TRAPPC9: variants seen among roughly 807,000 people sequenced by gnomAD.
TRAPPC9 encodes trafficking protein particle complex subunit 9.
Under a neutral mutation model 124.0 loss-of-function variants are expected in TRAPPC9, and 83 were observed. That is an observed-to-expected ratio of 0.67 (90% CI 0.56 to 0.80). The LOEUF (loss-of-function observed/expected upper bound fraction) is 0.80. Among genes scored for constraint, TRAPPC9 ranks in the 30% least tolerant of loss-of-function variants. The pLI, the probability that TRAPPC9 is intolerant of heterozygous loss-of-function variation, is 0.00. For missense variants in TRAPPC9, 1,302 were observed against 1,508.3 expected (o/e 0.86, Z 2.27); for synonymous variants, 638 against 617.5 (o/e 1.03, Z -0.49).
intron 20 of TRAPPC9, among the ~76,000 whole-genome samples, chr8:139,899,546 G>C (rs1263924301): frequency 6.6e-6 from 1 of 152,140 alleles, no homozygotes; most frequent in African/African-American, 2.4e-5. Flanking sequence ...AGAGGTGAAA[G>C]AAAATCTGCA....
At chr8:140,297,370 A>C (rs1047933320) in intron 11 of TRAPPC9, among the ~76,000 whole-genome samples, 2 of 151,994 alleles carry the variant, frequency 1.3e-5, no homozygotes, top group Non-Finnish European at 2.9e-5. Flanking sequence ...ATACACGCAT[A>C]CACACAATAT....
At position 139,977,767 on chromosome 8, in the gene TRAPPC9, G is replaced by A. The variant is rs546210826; in HGVS notation, c.2810+10959C>T. ...GCGATCTCAGCTCACTGTAGCCTCC[G>A]TCTCCTGGGTTCAAGCAATTCCCCT... On this transcript the variant is annotated intron_variant, in intron 19 of 22. Coordinates refer to ENST00000438773, the MANE Select transcript of TRAPPC9 (RefSeq NM_001160372.4). Among the ~76,000 whole-genome samples, 321 of 151,758 alleles carry A rather than the reference G, an allele frequency of 2.1e-3. 1 individual carries two copies. The highest frequency in any genetic ancestry group is 7.3e-3 in the African/African-American group (302 of 41,430).
At chr8:139,800,617 T>C (rs1255193882) in intron 21 of TRAPPC9, among the ~76,000 whole-genome samples, 1 of 152,198 alleles carries the variant, frequency 6.6e-6, no homozygotes, top group Non-Finnish European at 1.5e-5. Flanking sequence ...AGGCAGGTTT[T>C]TCATCTGTAT....
intron 17 of TRAPPC9, among the ~76,000 whole-genome samples, chr8:140,059,221 G>A (rs1842450700): frequency 6.6e-6 from 1 of 152,122 alleles, no homozygotes; most frequent in Non-Finnish European, 1.5e-5. Flanking sequence ...TCATAACAGT[G>A]TGTACTTTCT....
intron 17 of TRAPPC9, among the ~76,000 whole-genome samples, chr8:140,033,159 T>C (rs1840609171): frequency 6.6e-6 from 1 of 152,196 alleles, no homozygotes; most frequent in African/African-American, 2.4e-5. Context: ...AGAGACAGTT[T>C]TGCTTCTTCA....
At position 140,168,116 on chromosome 8, in the gene TRAPPC9, C is replaced by T. The variant is rs376306096; in HGVS notation, c.2556+53343G>A. On this transcript the variant is annotated intron_variant, in intron 17 of 22. Coordinates refer to ENST00000438773, the MANE Select transcript of TRAPPC9 (RefSeq NM_001160372.4). ...CTCTATCAGGTAACTTGCTCAATAA[C>T]GAGATGCACTGACAATGAGGTAGTT... Among the ~76,000 whole-genome samples, 72 of 152,312 alleles carry T rather than the reference C, an allele frequency of 4.7e-4. 1 individual carries two copies. In the South Asian group the frequency reaches 0.014, roughly 29 times the overall value.
chr8:140,291,703 G>T (rs1241748154), intron 11 of TRAPPC9, among the ~76,000 whole-genome samples: 2 of 152,238 alleles, frequency 1.3e-5, no homozygotes, highest in African/African-American at 4.8e-5. Flanking sequence ...ACCCCAATCC[G>T]TTGACTCTGA....
chr8:140,004,469 T>A (rs549452967), intron 18 of TRAPPC9, among the ~76,000 whole-genome samples: 32 of 152,338 alleles, frequency 2.1e-4, no homozygotes, highest in African/African-American at 6.7e-4. Context: ...GGCTATAACA[T>A]CATAAGCAAG....
intron 5 of TRAPPC9, 74 bp downstream of exon 5, chr8:140,426,541 C>A: frequency 7.3e-7 from 1 of 1,374,008 alleles, no homozygotes; most frequent in South Asian, 1.2e-5. Context: ...GAAATTTTAA[C>A]CATTCATTCA....
At chr8:139,761,848 C>T (rs997579368) in intron 21 of TRAPPC9, among the ~76,000 whole-genome samples, 1 of 151,710 alleles carries the variant, frequency 6.6e-6, no homozygotes, top group African/African-American at 2.4e-5. Flanking sequence ...TCCCACACCA[C>T]GCCTGGCTGC....
intron 22 of TRAPPC9, among the ~76,000 whole-genome samples, 155 bp from the exon 23 acceptor site, chr8:139,731,383 G>A (rs564671290): frequency 1.3e-5 from 2 of 152,320 alleles, no homozygotes; most frequent in South Asian, 2.1e-4. Flanking sequence ...AGGTCACTGC[G>A]CCTCTCCGAG....
Position 140,109,186 on chromosome 8 carries a change from G to A in TRAPPC9, c.2557-85107C>T, listed in dbSNP as rs574653046. ...ACAAGCCTCTCGCCATCCGTGGGCC[G>A]AGCACAGAGACAAATGGAGGCCCCC... On this transcript the variant is annotated intron_variant, in intron 17 of 22. Transcript: ENST00000438773. Among the ~76,000 whole-genome samples the A allele has an allele frequency of 1.2e-3, 184 of 152,280 alleles. 1 individual carries two copies. The highest frequency in any genetic ancestry group is 0.012 in the South Asian group (58 of 4,824).
At chr8:140,306,986 G>T (rs1371565876) in intron 10 of TRAPPC9, among the ~76,000 whole-genome samples, 1 of 152,126 alleles carries the variant, frequency 6.6e-6, no homozygotes, top group East Asian at 1.9e-4. Flanking sequence ...CTCTTCTCCT[G>T]TGCCCAGCTA....
intron 16 of TRAPPC9, among the ~76,000 whole-genome samples, chr8:140,226,219 A>T (rs1397505169): frequency 6.6e-6 from 1 of 152,218 alleles, no homozygotes; most frequent in Non-Finnish European, 1.5e-5. Flanking sequence ...AGGGACATGA[A>T]AAGCCCTCCT....
At chr8:140,038,534 G>A (rs1841057495) in intron 17 of TRAPPC9, among the ~76,000 whole-genome samples, 1 of 152,248 alleles carries the variant, frequency 6.6e-6, no homozygotes, top group Non-Finnish European at 1.5e-5. Context: ...CACAAGGTGT[G>A]TGTGGATGGA....
intron 17 of TRAPPC9, among the ~76,000 whole-genome samples, chr8:140,090,818 G>A (rs1844519620): frequency 6.6e-6 from 1 of 152,148 alleles, no homozygotes; most frequent in Non-Finnish European, 1.5e-5. Context: ...TTCCCATGCA[G>A]CTGTTCATTG....
intron 18 of TRAPPC9, among the ~76,000 whole-genome samples, chr8:140,014,537 C>T (rs1278653241): frequency 6.6e-6 from 1 of 152,108 alleles, no homozygotes; most frequent in Non-Finnish European, 1.5e-5. Context: ...CTCTTATCGC[C>T]CTGGTGAGGT....
chr8:140,190,026 A>G (rs1410103380), intron 17 of TRAPPC9, among the ~76,000 whole-genome samples: 2 of 152,208 alleles, frequency 1.3e-5, no homozygotes, highest in Non-Finnish European at 2.9e-5. Flanking sequence ...TAAAGATGTG[A>G]TCAACCGAAC....
intron 21 of TRAPPC9, among the ~76,000 whole-genome samples, chr8:139,856,901 G>A (rs1399239714): frequency 6.6e-6 from 1 of 152,164 alleles, no homozygotes; most frequent in Non-Finnish European, 1.5e-5. Flanking sequence ...TATTCTCTAA[G>A]CTGCTGCTGT....
Sources: allele counts gnomAD v4.1 joint callset (sites outside exome capture counted in the v4.1 genomes callset), GRCh38; gene constraint gnomAD v4.1.1; transcripts MANE v1.5; gene names NCBI Gene and HGNC (gene_info 2026-07-23, HGNC 2026-07-21).